The following EVA1C variants were observed in gnomAD, a reference collection of about 807,000 sequenced individuals.
EVA1C encodes the protein eva-1 homolog C, also known as protein eva-1 homolog C.
In EVA1C, 25 loss-of-function variants were observed where a neutral mutation model predicts 45.4. The ratio of observed to expected loss-of-function variants is 0.55; its 90% confidence interval spans 0.40 to 0.77. EVA1C has a LOEUF of 0.77. EVA1C is among the 30% of genes least tolerant of loss of function. The pLI is 0.00. For synonymous variants in EVA1C, 190 were observed against 221.2 expected (o/e 0.86, Z 1.25); for missense variants, 479 against 554.8 (o/e 0.86, Z 1.37).
At chr21:32,442,793 G>A (rs987495455) in intron 1 of EVA1C, among the ~76,000 whole-genome samples, 3 of 151,796 alleles carry the variant, frequency 2.0e-5, no homozygotes, top group Non-Finnish European at 2.9e-5. Flanking sequence ...CCGATGTGGG[G>A]CCAGTGACTG....
intron 3 of EVA1C, among the ~76,000 whole-genome samples, chr21:32,464,605 T>C (rs1013770945): frequency 2.6e-5 from 4 of 152,246 alleles, no homozygotes; most frequent in African/African-American, 9.6e-5. Flanking sequence ...GTGCATCACT[T>C]GAGGTCAGGA....
chr21:32,495,231 A>G, intron 5 of EVA1C, 61 bp downstream of exon 5: 16 of 1,573,566 alleles, frequency 1.0e-5, no homozygotes, highest in Non-Finnish European at 1.3e-5. Context: ...GAGGGTGGTG[A>G]CCATGTGAAC....
chr21:32,413,470 A>G (rs556177887), intron 1 of EVA1C, among the ~76,000 whole-genome samples: 113 of 152,328 alleles, frequency 7.4e-4, no homozygotes, highest in African/African-American at 2.7e-3. Flanking sequence ...ATTGGCAGGT[A>G]GAAAGGGAAG....
intron 4 of EVA1C, among the ~76,000 whole-genome samples, chr21:32,481,545 T>C (rs946356062): frequency 2.0e-5 from 3 of 150,202 alleles, no homozygotes; most frequent in Non-Finnish European, 4.4e-5. Flanking sequence ...TTAAAGGATA[T>C]GTCTTTACTC....
chr21:32,461,136 C>T (rs1315910919), intron 3 of EVA1C, among the ~76,000 whole-genome samples: 3 of 152,202 alleles, frequency 2.0e-5, no homozygotes, highest in African/African-American at 7.2e-5. Context: ...ATGGAGGGCA[C>T]AGAAAGAGTG....
intron 4 of EVA1C, among the ~76,000 whole-genome samples, chr21:32,472,456 G>A (rs377391468): frequency 9.9e-5 from 15 of 152,082 alleles, no homozygotes; most frequent in African/African-American, 3.1e-4. Flanking sequence ...CACTGCGCCC[G>A]GCTGAGAGTT....
intron 4 of EVA1C, among the ~76,000 whole-genome samples, chr21:32,489,957 G>A (rs1313073484): frequency 5.3e-5 from 8 of 151,894 alleles, no homozygotes; most frequent in Admixed American, 1.3e-4. Context: ...GTGTGCCACC[G>A]CGCCTGGCTA....
At chr21:32,491,005 G>A (rs2037135749) in intron 4 of EVA1C, among the ~76,000 whole-genome samples, 1 of 152,234 alleles carries the variant, frequency 6.6e-6, no homozygotes, top group African/African-American at 2.4e-5. Context: ...GGAGCTCCCT[G>A]TCTAGTCTGG....
At chr21:32,442,916 C>G (rs1171328427) in intron 1 of EVA1C, among the ~76,000 whole-genome samples, 2 of 149,398 alleles carry the variant, frequency 1.3e-5, no homozygotes, top group Middle Eastern at 3.5e-3. Flanking sequence ...ATGTACAGCT[C>G]TTTTGACCTC....
intron 4 of EVA1C, among the ~76,000 whole-genome samples, chr21:32,491,058 CA>C (rs1255334214): frequency 6.6e-6 from 1 of 152,146 alleles, no homozygotes; most frequent in Non-Finnish European, 1.5e-5. Context: ...GAGGTGAGAG[CA>C]ATACACAGAA....
chr21:32,484,081 C>G (rs1343066273), intron 4 of EVA1C, among the ~76,000 whole-genome samples: 1 of 151,928 alleles, frequency 6.6e-6, no homozygotes, highest in African/African-American at 2.4e-5. Context: ...TCATTCCTTT[C>G]AACTGGACCC....
At chr21:32,455,779 A>C (rs1387190659) in intron 2 of EVA1C, among the ~76,000 whole-genome samples, 1 of 152,192 alleles carries the variant, frequency 6.6e-6, no homozygotes, top group Non-Finnish European at 1.5e-5. Flanking sequence ...CCAGGCCGAC[A>C]GGTTAGCATT....
intron 1 of EVA1C, among the ~76,000 whole-genome samples, chr21:32,431,499 T>C (rs1168157300): frequency 6.6e-6 from 1 of 152,226 alleles, no homozygotes; most frequent in African/African-American, 2.4e-5. Flanking sequence ...TGTCTGCAGT[T>C]TCACCCCCAG....
chr21:32,416,549 G>A (rs1042061353), intron 1 of EVA1C, among the ~76,000 whole-genome samples: 5 of 151,864 alleles, frequency 3.3e-5, no homozygotes, highest in African/African-American at 4.8e-5. Context: ...GGCTGGTCTC[G>A]AACTCCTGAC....
At chr21:32,423,070 CAAA>C (rs3056306) in intron 1 of EVA1C, among the ~76,000 whole-genome samples, 2 of 85,626 alleles carry the variant, frequency 2.3e-5, no homozygotes, top group African/African-American at 4.6e-5. Context: ...GACTCTGTCT[CAAA>C]AAAAAAAAAA....
intron 7 of EVA1C, among the ~76,000 whole-genome samples, chr21:32,514,425 C>T (rs1474335561): frequency 6.6e-6 from 1 of 152,158 alleles, no homozygotes; most frequent in Non-Finnish European, 1.5e-5. Context: ...ACTCATTTCA[C>T]TGTAATGACT....
chr21:32,513,497 A>AATATTTATAAATAATATAC (rs2038029935), intron 7 of EVA1C, among the ~76,000 whole-genome samples: 3 of 146,030 alleles, frequency 2.1e-5, no homozygotes. Context: ...TTATATTATT[A>AATATTTATAAATAATATAC]ATATTTATAA....
chr21:32,459,098 C>A (rs1356278816), intron 3 of EVA1C, among the ~76,000 whole-genome samples: 4 of 152,096 alleles, frequency 2.6e-5, no homozygotes, highest in Non-Finnish European at 4.4e-5. Context: ...CAGCACATAA[C>A]AGACGCTCCT....
intron 3 of EVA1C, among the ~76,000 whole-genome samples, chr21:32,466,413 C>T (rs1366131603): frequency 4.2e-4 from 59 of 138,952 alleles, no homozygotes; most frequent in Non-Finnish European, 7.4e-4. Context: ...AGCGAGATTC[C>T]GTCTCAAAAA....
Sources: allele counts gnomAD v4.1 joint callset (sites outside exome capture counted in the v4.1 genomes callset), GRCh38; gene constraint gnomAD v4.1.1; transcripts MANE v1.5; gene names NCBI Gene and HGNC (gene_info 2026-07-23, HGNC 2026-07-21).